The following NET1 variants were observed in gnomAD, a reference collection of about 807,000 sequenced individuals.
The protein encoded by NET1 is neuroepithelial cell-transforming gene 1 protein.
Under a neutral mutation model 61.1 loss-of-function variants are expected in NET1, and 42 were observed. The observed-to-expected ratio is 0.69, with a 90% CI of 0.54 to 0.89. The LOEUF (loss-of-function observed/expected upper bound fraction) is 0.89, where lower values mean the gene tolerates loss of function less well. Ranked by LOEUF, NET1 falls within the 40% of genes least tolerant of loss-of-function variation. The pLI, the probability that NET1 is intolerant of heterozygous loss-of-function variation, is 0.00. For missense variants in NET1, 654 were observed against 747.3 expected, an observed-to-expected ratio of 0.88 and a Z score of 1.46; for synonymous variants, 254 against 281.8, an observed-to-expected ratio of 0.90 and a Z score of 0.99.
At position 5,423,822 on chromosome 10, in the gene NET1, T is replaced by C. The variant is rs912470989; in HGVS notation, c.129-2833T>C. On this transcript the variant is annotated intron_variant, in intron 1 of 11. Coordinates refer to ENST00000355029, the MANE Select transcript of NET1 (RefSeq NM_001047160.3). The surrounding 1 kb of genome is among the most constrained non-coding windows in gnomAD (Gnocchi z 4.4). ...ACGCTTGTGAAAAAATGAGTATATG[T>C]CTTTCCAAGATTTGTGAAAGTTGGC... Among the ~76,000 whole-genome samples, 1 of 152,198 alleles carries C rather than the reference T, an allele frequency of 6.6e-6. No individual in the cohort carries two copies. Among genetic ancestry groups the C allele is most frequent in the Non-Finnish European group, 1.5e-5 (1 of 68,018 alleles).
Position 5,452,074 on chromosome 10 carries a change from G to A in NET1, c.363+137G>A, listed in dbSNP as rs1832714457. On this transcript the variant is annotated intron_variant, in intron 4 of 11. Transcript: ENST00000355029. The surrounding 1 kb of genome is among the most constrained non-coding windows in gnomAD (Gnocchi z 4.0). Reference sequence around the variant, plus strand: ...TTTTCTTTTTGGAATATGCTAGTAAGGAATATTGTTCCAGAACAATGTGTA... The same window carrying A: ...TTTTCTTTTTGGAATATGCTAGTAAAGAATATTGTTCCAGAACAATGTGTA... 4.6e-6 allele frequency: 3 copies of A among 649,802 alleles called. No homozygotes were observed. The Admixed American group carries it at 9.3e-5, about 20-fold the overall frequency. 40.3% of individuals were successfully genotyped at this position (649,802 alleles called of 1,614,324 possible). A position where few individuals can be genotyped will look rare whatever the true frequency, so the allele number is the denominator to read the frequency against.
chr10:5,436,927 C>G (rs1437916407), intron 3 of NET1, among the ~76,000 whole-genome samples: 1 of 152,142 alleles, frequency 6.6e-6, no homozygotes, highest in Non-Finnish European at 1.5e-5. Context: ...AAAAAGAAAG[C>G]CAACTGCTGG....
chr10:5,453,698 A>G lies in NET1; in HGVS notation c.768+138A>G. On this transcript the variant is annotated intron_variant, in intron 8 of 11. Transcript: ENST00000355029. This position sits in a 1 kb window ranked among gnomAD's most constrained non-coding sequence, Gnocchi z 4.9. The stretch of plus-strand genomic sequence containing the variant: ...AGGCGTTAAAACTGAACAAATTTAC[A>G]GTGACATAAGAAGTTACAGTCTGTT... 2.9e-6 allele frequency: 2 copies of G among 691,696 alleles called. No individual in the cohort carries two copies. The highest frequency in any genetic ancestry group is 5.0e-6 in the Non-Finnish European group (2 of 397,044). 42.8% of individuals were successfully genotyped at this position (691,696 alleles called of 1,614,324 possible). A position where few individuals can be genotyped will look rare whatever the true frequency, so the allele number is the denominator to read the frequency against.
Position 5,449,358 on chromosome 10 carries a change from CCTTTCTCTCCCT to C in NET1, c.256-2469_256-2458del, listed in dbSNP as rs111313205. On this transcript the variant is annotated intron_variant, in intron 3 of 11. Transcript: ENST00000355029. This position sits in a 1 kb window ranked among gnomAD's most constrained non-coding sequence, Gnocchi z 4.4. ...GTGAAAAAGTGCAAAGTGCCCTCCT[CCTTTCTCTCCCT>C]CTCCCAACCTGTATTTCCTGAGTAA... is the stretch of plus-strand genomic sequence containing the variant. Among the ~76,000 whole-genome samples, 5 of 152,272 alleles carry C rather than the reference CCTTTCTCTCCCT, an allele frequency of 3.3e-5. No individual in the cohort carries two copies. The highest frequency in any genetic ancestry group is 1.2e-4 in the African/African-American group (5 of 41,542).
rs1832568086 is a variant in NET1, at chr10:5,444,148, T to C, written c.256-7682T>C. Among the ~76,000 whole-genome samples the C allele has an allele frequency of 6.6e-6, 1 of 152,216 alleles. No individual in the cohort carries two copies. Among genetic ancestry groups the C allele is most frequent in the African/African-American group, 2.4e-5 (1 of 41,454 alleles). On this transcript the variant is annotated intron_variant, in intron 3 of 11. Coordinates refer to ENST00000355029, the MANE Select transcript of NET1 (RefSeq NM_001047160.3). This position sits in a 1 kb window ranked among gnomAD's most constrained non-coding sequence, Gnocchi z 5.3. ...TCTACTTTCATGCTATATGGAAATATCTTCTACAGTCATCCACTCTTAAGG... is the reference window on the plus strand; with the variant it reads ...TCTACTTTCATGCTATATGGAAATACCTTCTACAGTCATCCACTCTTAAGG...
chr10:5,448,784 T>A (rs1832659969), intron 3 of NET1, among the ~76,000 whole-genome samples: 4 of 146,732 alleles, frequency 2.7e-5, no homozygotes, highest in African/African-American at 1.0e-4. Flanking sequence ...AAATAAACAA[T>A]CCTAGCAGTG....
chr10:5,427,420 C>T lies in NET1; in HGVS notation c.195+699C>T, dbSNP rs576681945. Among the ~76,000 whole-genome samples, 1 of 152,130 alleles carries T rather than the reference C, an allele frequency of 6.6e-6. No individual in the cohort carries two copies. The highest frequency in any genetic ancestry group is 1.9e-4 in the East Asian group (1 of 5,184). On this transcript the variant is annotated intron_variant, in intron 2 of 11. Coordinates refer to ENST00000355029, the MANE Select transcript of NET1 (RefSeq NM_001047160.3). The surrounding 1 kb of genome is among the most constrained non-coding windows in gnomAD (Gnocchi z 4.1). The stretch of plus-strand genomic sequence containing the variant: ...TCTAATATTGCTAGGCAGTTTCCTC[C>T]CCACTTCTTCTCCTTCTCCATATTA...
In NET1 at chr10:5,446,270, AATTTCT is replaced by A. The variant is rs1832606184; in HGVS notation, c.256-5554_256-5549del. 6.6e-6 allele frequency among the ~76,000 whole-genome samples: 1 copy of A among 152,160 alleles called. No homozygotes were observed. The highest frequency in any genetic ancestry group is 1.5e-5 in the Non-Finnish European group (1 of 68,034). On this transcript the variant is annotated intron_variant, in intron 3 of 11. Transcript: ENST00000355029. This position sits in a 1 kb window ranked among gnomAD's most constrained non-coding sequence, Gnocchi z 5.0. ...TGTTGATTCAGCCCTATCGAATAAG[AATTTCT>A]ATTTCCTTATTTGAGTTGTCAAGTT... is the stretch of plus-strand genomic sequence containing the variant.
rs1000186243 is a variant in NET1 at position 5,439,748 on chromosome 10, G to A, written c.255+10519G>A. The stretch of plus-strand genomic sequence containing the variant: ...TGCAGTTCTCTTCCTGGCCTTGCCA[G>A]AGCATCACACAGCATCTTTGTCTAC... On this transcript the variant is annotated intron_variant, in intron 3 of 11. Coordinates refer to ENST00000355029, the MANE Select transcript of NET1 (RefSeq NM_001047160.3). The surrounding 1 kb of genome is among the most constrained non-coding windows in gnomAD (Gnocchi z 4.8). Among the ~76,000 whole-genome samples the A allele has an allele frequency of 1.3e-5, 2 of 152,332 alleles. No individual in the cohort carries two copies. The highest frequency in any genetic ancestry group is 3.4e-3 in the Middle Eastern group (1 of 294).
intron 3 of NET1, among the ~76,000 whole-genome samples, chr10:5,438,571 A>G (rs1042828105): frequency 9.9e-5 from 15 of 152,228 alleles, no homozygotes; most frequent in Non-Finnish European, 2.2e-4. Flanking sequence ...ACCTATAACT[A>G]GTAAAAAGAT....
rs1342470446 is a variant in NET1 at position 5,416,738 on chromosome 10, T to G, written c.128+3918T>G. ...CGTGCACTGGAGGTGTGCTCGCTTC[T>G]TCGGTGCCCTGCTGTTCAAACCTCT... On this transcript the variant is annotated intron_variant, in intron 1 of 11. Coordinates refer to ENST00000355029, the MANE Select transcript of NET1 (RefSeq NM_001047160.3). The surrounding 1 kb of genome is among the most constrained non-coding windows in gnomAD (Gnocchi z 6.1). 2.0e-5 allele frequency among the ~76,000 whole-genome samples: 3 copies of G among 152,200 alleles called. No individual in the cohort carries two copies. The highest frequency in any genetic ancestry group is 4.4e-5 in the Non-Finnish European group (3 of 68,028).
Position 5,458,514 on chromosome 10 carries a change from A to T in NET1, c.*1520A>T, listed in dbSNP as rs1325801488. On this transcript the variant is annotated 3_prime_UTR_variant, in exon 12 of 12. Transcript: ENST00000355029. This position sits in a 1 kb window ranked among gnomAD's most constrained non-coding sequence, Gnocchi z 4.5. The stretch of plus-strand genomic sequence containing the variant: ...GGCTATGTTGGGGGCATTTGGCAAA[A>T]TATGCTGGTGTGGCAAAGGAGGTAG... The T allele has an allele frequency of 1.3e-5, 2 of 152,630 alleles. No homozygotes were observed. The highest frequency in any genetic ancestry group is 2.9e-5 in the Non-Finnish European group (2 of 68,034). 9.5% of individuals were successfully genotyped at this position (152,630 alleles called of 1,614,324 possible). A position where few individuals can be genotyped will look rare whatever the true frequency, so the allele number is the denominator to read the frequency against.
In NET1 at chr10:5,424,909, A is replaced by G. The variant is rs1832235184; in HGVS notation, c.129-1746A>G. Among the ~76,000 whole-genome samples the G allele has an allele frequency of 6.6e-6, 1 of 152,202 alleles. No homozygotes were observed. Among genetic ancestry groups the G allele is most frequent in the Non-Finnish European group, 1.5e-5 (1 of 68,030 alleles). Reference sequence around the variant, plus strand: ...CCAGTCATCTTTTGTAAGCAATATTAGAGCTGCCTCCCAACTGAGCAGTCT... The same window carrying G: ...CCAGTCATCTTTTGTAAGCAATATTGGAGCTGCCTCCCAACTGAGCAGTCT... On this transcript the variant is annotated intron_variant, in intron 1 of 11. Coordinates refer to ENST00000355029, the MANE Select transcript of NET1 (RefSeq NM_001047160.3). This position sits in a 1 kb window ranked among gnomAD's most constrained non-coding sequence, Gnocchi z 6.1.
intron 1 of NET1, among the ~76,000 whole-genome samples, chr10:5,413,593 C>T: frequency 6.6e-6 from 1 of 152,046 alleles, no homozygotes; most frequent in East Asian, 1.9e-4. Context: ...AAGAAGAGGA[C>T]GTGGCGAGCT....
chr10:5,412,720 C>T lies in NET1; in HGVS notation c.28C>T (p.Gln10Ter). 6.8e-7 allele frequency: 1 copy of T among 1,478,700 alleles called. No individual in the cohort carries two copies. The highest frequency in any genetic ancestry group is 8.9e-7 in the Non-Finnish European group (1 of 1,123,326). 91.6% of individuals were successfully genotyped at this position (1,478,700 alleles called of 1,614,324 possible). MEPELAAQK[Q>*]PRPRRRSRRA... The stretch of plus-strand genomic sequence containing the variant: ...GGAGCCCGAGCTGGCGGCTCAGAAG[C>T]AGCCTCGACCGCGGAGGCGAAGCCG... The change falls in exon 1 of 12, where the codon CAG (glutamine) becomes TAG (stop). Residue 10 changes from glutamine to a stop codon, truncating the protein, a stop_gained. Transcript: ENST00000355029. LOFTEE classifies it high-confidence loss of function. The surrounding 1 kb of genome is among the most constrained non-coding windows in gnomAD (Gnocchi z 6.5).
Position 5,454,812 on chromosome 10 carries a change from C to T in NET1, c.1027-136C>T, listed in dbSNP as rs1401002377. On this transcript the variant is annotated intron_variant, in intron 9 of 11. Coordinates refer to ENST00000355029, the MANE Select transcript of NET1 (RefSeq NM_001047160.3). This position sits in a 1 kb window ranked among gnomAD's most constrained non-coding sequence, Gnocchi z 8.1. Reference sequence around the variant, plus strand: ...TTTCTTGATCTATAAAATGAACAGACTGGCAGAATTAACTGATTTCTAGAG... The same window carrying T: ...TTTCTTGATCTATAAAATGAACAGATTGGCAGAATTAACTGATTTCTAGAG... 1 of 831,572 alleles carries T rather than the reference C, an allele frequency of 1.2e-6. No individual in the cohort carries two copies. The highest frequency in any genetic ancestry group is 1.9e-6 in the Non-Finnish European group (1 of 537,054). 51.5% of individuals were successfully genotyped at this position (831,572 alleles called of 1,614,324 possible). A position where few individuals can be genotyped will look rare whatever the true frequency, so the allele number is the denominator to read the frequency against.
chr10:5,453,307 A>G lies in NET1; in HGVS notation c.652A>G (p.Ile218Val), dbSNP rs779055914. The change falls in exon 7 of 12, where the codon ATA becomes GTA. Residue 218 changes from isoleucine (I) to valine (V), a missense_variant. By Grantham distance (29) the Ile-to-Val change is conservative. Coordinates refer to ENST00000355029, the MANE Select transcript of NET1 (RefSeq NM_001047160.3). The surrounding 1 kb of genome is among the most constrained non-coding windows in gnomAD (Gnocchi z 4.9). ...SIMSEEELTH[I>V]FGDLDSYIPL... ...CATGTCAGAAGAGGAACTCACACAT[A>G]TATTTGGTGATCTGGACTCTTACAT... 3.5e-5 allele frequency: 56 copies of G among 1,612,864 alleles called. No homozygotes were observed. In the Middle Eastern group the frequency reaches 1.6e-3, roughly 47 times the overall value.
rs542839179 is a variant in NET1 at position 5,443,142 on chromosome 10, C to T, written c.256-8688C>T. 1.3e-5 allele frequency among the ~76,000 whole-genome samples: 2 copies of T among 152,268 alleles called. No individual in the cohort carries two copies. Among genetic ancestry groups the T allele is most frequent in the South Asian group, 4.1e-4 (2 of 4,820 alleles). ...AACATATACTGAGCACCTAGTGTGT[C>T]TCAGAACATGTGCTAAAGGTTTTAT... On this transcript the variant is annotated intron_variant, in intron 3 of 11. Transcript: ENST00000355029. This position sits in a 1 kb window ranked among gnomAD's most constrained non-coding sequence, Gnocchi z 4.8.
In NET1 at chr10:5,441,948, C is replaced by T. The variant is rs1007770906; in HGVS notation, c.256-9882C>T. On this transcript the variant is annotated intron_variant, in intron 3 of 11. Coordinates refer to ENST00000355029, the MANE Select transcript of NET1 (RefSeq NM_001047160.3). This position sits in a 1 kb window ranked among gnomAD's most constrained non-coding sequence, Gnocchi z 4.6. ...TTTTTAGTGAGATACAGAGTATATGCTTGTAATCTTGAATTCTAGAGTTTT... is the reference window on the plus strand; with the variant it reads ...TTTTTAGTGAGATACAGAGTATATGTTTGTAATCTTGAATTCTAGAGTTTT... Among the ~76,000 whole-genome samples the T allele has an allele frequency of 2.6e-5, 4 of 152,034 alleles. No homozygotes were observed. The highest frequency in any genetic ancestry group is 9.7e-5 in the African/African-American group (4 of 41,412).
Sources: gnomAD v4.1 joint callset for allele counts (sites outside exome capture counted in the v4.1 genomes callset) on GRCh38, gnomAD v4.1.1 for gene constraint, Gnocchi (gnomAD v3.1) non-coding constraint, MANE v1.5 for transcripts, NCBI Gene and HGNC (gene_info 2026-07-23, HGNC 2026-07-21) for gene names.